The following KCNK17 variants were observed in gnomAD, a reference collection of about 807,000 sequenced individuals.
KCNK17 encodes the protein potassium two pore domain channel subfamily K member 17.
Under a neutral mutation model 24.6 loss-of-function variants are expected in KCNK17, and 27 were observed. The ratio of observed to expected loss-of-function variants is 1.10; its 90% CI spans 0.81 to 1.51. KCNK17 has a LOEUF of 1.51. Among genes scored for constraint, KCNK17 ranks in the 40% most tolerant of loss-of-function variants. KCNK17 has a pLI of 0.00. For synonymous variants in KCNK17, 181 were observed against 189.8 expected (o/e 0.95, Z 0.38); for missense variants, 450 against 436.6 (o/e 1.03, Z -0.27).
intron 1 of KCNK17, 122 bp from the exon 2 acceptor site, chr6:39,311,129 T>TAC: frequency 1.8e-6 from 1 of 570,286 alleles, no homozygotes; most frequent in Non-Finnish European, 3.1e-6. Flanking sequence ...CAAACAAACC[T>TAC]ACACACACAG....
At chr6:39,302,254 C>T (rs961856260) in intron 4 of KCNK17, among the ~76,000 whole-genome samples, 2 of 152,036 alleles carry the variant, frequency 1.3e-5, no homozygotes, top group African/African-American at 4.8e-5. Context: ...TTGCCCCAGG[C>T]CTGGGCAGTC....
At position 39,304,608 on chromosome 6, in the gene KCNK17, T is replaced by C. The variant is rs2113836372; in HGVS notation, c.400A>G (p.Ile134Val). 6.2e-7 allele frequency: 1 copy of C among 1,613,956 alleles called. No homozygotes were observed. The change falls in exon 3 of 5, where the codon ATC (isoleucine) becomes GTC (valine). Residue 134 changes from isoleucine to valine, a missense_variant. By Grantham distance (29) the Ile-to-Val change is conservative. Transcript: ENST00000373231. ...PNTMAARLFCIFFALVGIPLN... is the reference protein window; with the variant it reads ...PNTMAARLFCVFFALVGIPLN... Reference sequence around the variant, plus strand: ...GGGATCCCCACAAGGGCAAAGAAGATGCAGAAGAGGCGGGCAGCCATCGTG... The same window carrying C: ...GGGATCCCCACAAGGGCAAAGAAGACGCAGAAGAGGCGGGCAGCCATCGTG...
Position 39,310,875 on chromosome 6 carries a change from G to C in KCNK17, c.352+18C>G. ...TCCTTCCCCCACCCCCATCCCCCTG[G>C]CCCCATCTGGCCCTTACCAATGGTG... is the stretch of plus-strand genomic sequence containing the variant. On this transcript the variant is annotated intron_variant, in intron 2 of 4. Coordinates refer to ENST00000373231, the MANE Select transcript of KCNK17 (RefSeq NM_031460.4). 58 of 1,486,206 alleles carry C rather than the reference G, an allele frequency of 3.9e-5. No homozygotes were observed. Among genetic ancestry groups the C allele is most frequent in the African/African-American group, 5.6e-5 (4 of 71,894 alleles). 92.1% of individuals were successfully genotyped at this position (1,486,206 alleles called of 1,614,324 possible). A position where few individuals can be genotyped will look rare whatever the true frequency, so the allele number is the denominator to read the frequency against.
intron 4 of KCNK17, 32 bp downstream of exon 4, chr6:39,303,925 T>C (rs1405007594): frequency 6.2e-7 from 1 of 1,603,114 alleles, no homozygotes; most frequent in Non-Finnish European, 8.5e-7. Context: ...CAGCCGAATG[T>C]CCCCGCCAGC....
In KCNK17 at chr6:39,299,520, G is replaced by A. The variant is rs761776201; in HGVS notation, c.906C>T (p.Ser302=). 21 of 1,614,086 alleles carry A rather than the reference G, an allele frequency of 1.3e-5. No homozygotes were observed. The highest frequency in any genetic ancestry group is 1.6e-4 in the Middle Eastern group (1 of 6,084). ...CCTCTGGATAGCATCCTTGCTGTGG[G>A]GAGTGGGACTCTGGCTCCCGGTCAG... The part of the protein sequence containing the change: ...QGPDREPESH[S]PQQGCYPEGP... Residue 302 remains serine, a synonymous_variant, in exon 5 of 5, where the codon TCC becomes TCT. Transcript: ENST00000373231.
intron 2 of KCNK17, among the ~76,000 whole-genome samples, chr6:39,308,600 T>C (rs184579154): frequency 1.3e-5 from 2 of 152,300 alleles, no homozygotes; most frequent in East Asian, 3.9e-4. Flanking sequence ...CTTCAATTTA[T>C]TTGTTGAACA....
intron 1 of KCNK17, 26 bp downstream of exon 1, chr6:39,314,058 C>T (rs2113844316): frequency 1.3e-6 from 2 of 1,528,760 alleles, no homozygotes; most frequent in Non-Finnish European, 1.8e-6. Flanking sequence ...CCCGCCGCGC[C>T]CAGGCCGACG....
intron 2 of KCNK17, among the ~76,000 whole-genome samples, chr6:39,308,023 T>C (rs1415158527): frequency 6.6e-6 from 1 of 152,196 alleles, no homozygotes; most frequent in Non-Finnish European, 1.5e-5. Context: ...TCAGCTTCAA[T>C]GTTACTGAAT....
chr6:39,306,230 G>C (rs1037540219), intron 2 of KCNK17, among the ~76,000 whole-genome samples: 1 of 152,138 alleles, frequency 6.6e-6, no homozygotes, highest in East Asian at 1.9e-4. Context: ...TTTTAGTAGA[G>C]ACGGGGTTTT....
chr6:39,307,247 A>G (rs1400598924), intron 2 of KCNK17, among the ~76,000 whole-genome samples: 1 of 152,190 alleles, frequency 6.6e-6, no homozygotes, highest in East Asian at 1.9e-4. Context: ...AGCATCTGGT[A>G]TATACAAGGT....
intron 2 of KCNK17, among the ~76,000 whole-genome samples, chr6:39,306,043 G>T (rs1478235768): frequency 6.9e-6 from 1 of 144,122 alleles, no homozygotes; most frequent in African/African-American, 2.5e-5. Flanking sequence ...CAGGGACTGG[G>T]TCTTTTTTTT....
At chr6:39,312,418 A>G (rs1053927413) in intron 1 of KCNK17, among the ~76,000 whole-genome samples, 5 of 152,134 alleles carry the variant, frequency 3.3e-5, no homozygotes, top group Non-Finnish European at 7.3e-5. Flanking sequence ...CAAAGAGATG[A>G]CAGCCTGGCT....
Position 39,300,298 on chromosome 6 carries a change from A to G in KCNK17, c.689-561T>C, listed in dbSNP as rs1328641553. The G allele has an allele frequency of 4.8e-6, 3 of 626,628 alleles. No homozygotes were observed. The African/African-American group carries it at 5.6e-5, about 12-fold the overall frequency. 38.8% of individuals were successfully genotyped at this position (626,628 alleles called of 1,614,324 possible). Reference sequence around the variant, plus strand: ...CCGCCACGCCCGGCTATTTTTTTGTATTTTAGTAGAGACGGGGTTTCACCA... The same window carrying G: ...CCGCCACGCCCGGCTATTTTTTTGTGTTTTAGTAGAGACGGGGTTTCACCA... On this transcript the variant is annotated intron_variant, in intron 4 of 4. Transcript: ENST00000373231.
intron 3 of KCNK17, 153 bp from the exon 4 acceptor site, chr6:39,304,284 T>A: frequency 1.2e-6 from 1 of 822,638 alleles, no homozygotes; most frequent in Non-Finnish European, 1.9e-6. Flanking sequence ...AGCCTGTGCC[T>A]CATGTCCTTC....
At chr6:39,308,089 T>C (rs1268172004) in intron 2 of KCNK17, among the ~76,000 whole-genome samples, 1 of 152,190 alleles carries the variant, frequency 6.6e-6, no homozygotes, top group Non-Finnish European at 1.5e-5. Context: ...TTAACTAGCT[T>C]TACTTTTCTC....
intron 1 of KCNK17, among the ~76,000 whole-genome samples, chr6:39,312,928 C>T (rs1357562706): frequency 6.6e-6 from 1 of 152,202 alleles, no homozygotes; most frequent in Non-Finnish European, 1.5e-5. Flanking sequence ...CTCACCGAAT[C>T]GGCCTAGTCC....
chr6:39,305,786 G>A (rs186066931), intron 2 of KCNK17, among the ~76,000 whole-genome samples: 1 of 152,254 alleles, frequency 6.6e-6, no homozygotes, highest in Non-Finnish European at 1.5e-5. Flanking sequence ...CCACATTGCT[G>A]GCCTGCAGAA....
chr6:39,304,320 C>A, intron 3 of KCNK17, 175 bp downstream of exon 3: 1 of 773,394 alleles, frequency 1.3e-6, no homozygotes, highest in East Asian at 2.7e-5. Context: ...CACCCCATCT[C>A]CACCATTAAT....
intron 2 of KCNK17, among the ~76,000 whole-genome samples, chr6:39,309,007 T>C (rs1349891110): frequency 6.6e-6 from 1 of 152,194 alleles, no homozygotes; most frequent in Non-Finnish European, 1.5e-5. Context: ...GTGCAACATC[T>C]CTGTGCCACC....
Sources: allele counts gnomAD v4.1 joint callset (sites outside exome capture counted in the v4.1 genomes callset), GRCh38; gene constraint gnomAD v4.1.1; transcripts MANE v1.5; gene names NCBI Gene and HGNC (gene_info 2026-07-23, HGNC 2026-07-21).